The following ZNF239 variants were observed in gnomAD, a reference collection of about 807,000 sequenced individuals.
The protein encoded by ZNF239 is zinc finger protein (C2H2) homologous to mouse MOK-2.
In ZNF239, 16 loss-of-function variants were observed where a neutral mutation model predicts 27.5. The ratio of observed to expected loss-of-function variants is 0.58; its 90% CI spans 0.39 to 0.88. ZNF239 has a LOEUF of 0.88. Ranked by LOEUF, ZNF239 falls within the 40% of genes least tolerant of loss-of-function variation. The pLI, the probability that ZNF239 is intolerant of heterozygous loss-of-function variation, is 0.00. For synonymous variants in ZNF239, 199 were observed against 192.6 expected, an observed-to-expected ratio of 1.03 and a Z score of -0.27; for missense variants, 527 against 551.9, an observed-to-expected ratio of 0.95 and a Z score of 0.45.
At chr10:43,568,141 G>A in intron 2 of ZNF239, 120 bp from the exon 3 acceptor site, 1 of 985,544 alleles carries the variant, frequency 1.0e-6, no homozygotes, top group South Asian at 4.7e-5. Context: ...TTGCAGCTCA[G>A]GGATCTGAGT....
chr10:43,557,189 C>T lies in ZNF239; in HGVS notation c.891G>A (p.Gly297=), dbSNP rs1309871778. Residue 297 remains glycine (G), a synonymous_variant, in exon 4 of 4, where the codon GGG becomes GGA. Coordinates refer to ENST00000374446, the MANE Select transcript of ZNF239 (RefSeq NM_001099282.2). ...GTTTGGAGCTCTGACTAAAGCCCTT[C>T]CCACACTTGTCACATTTATAAGGTT... is the stretch of plus-strand genomic sequence containing the variant. ...GEKPYKCDKC[G]KGFSQSSKLH... 1 of 1,614,104 alleles carries T rather than the reference C, an allele frequency of 6.2e-7. No individual in the cohort carries two copies.
intron 3 of ZNF239, among the ~76,000 whole-genome samples, chr10:43,559,759 A>T (rs1307364790): frequency 1.3e-5 from 2 of 152,228 alleles, no homozygotes. Flanking sequence ...CAAGAAATCC[A>T]TAATACTCTT....
chr10:43,561,033 G>A (rs945606489), intron 3 of ZNF239, among the ~76,000 whole-genome samples: 4 of 152,046 alleles, frequency 2.6e-5, no homozygotes, highest in Non-Finnish European at 5.9e-5. Context: ...TTAGTCAAAC[G>A]CCTGCAATCT....
intron 2 of ZNF239, chr10:43,570,962 A>C (rs1837994225): frequency 1.0e-6 from 1 of 985,334 alleles, no homozygotes. Flanking sequence ...AATCATTGTG[A>C]CAAGGGAAAG....
chr10:43,573,275 T>C (rs1227511576), intron 2 of ZNF239, among the ~76,000 whole-genome samples: 1 of 152,240 alleles, frequency 6.6e-6, no homozygotes, highest in Admixed American at 6.5e-5. Flanking sequence ...CCGTGGTTTA[T>C]CATTCTATCT....
At chr10:43,571,023 A>G (rs1243584870) in intron 2 of ZNF239, 2 of 985,042 alleles carry the variant, frequency 2.0e-6, no homozygotes, top group Non-Finnish European at 2.4e-6. Flanking sequence ...CAAAGGTGGG[A>G]CTGAAACACT....
chr10:43,559,845 G>C (rs933694783), intron 3 of ZNF239, among the ~76,000 whole-genome samples: 1 of 152,144 alleles, frequency 6.6e-6, no homozygotes, highest in African/African-American at 2.4e-5. Context: ...AGATGGATTA[G>C]GAGTGATGGA....
chr10:43,556,490 C>T lies in ZNF239; in HGVS notation c.*213G>A. ...GTAAAGTACAGACACTTTTACTCTA[C>T]CCATCTGAGAAACAAGAACAATCCA... On this transcript the variant is annotated 3_prime_UTR_variant, in exon 4 of 4. Coordinates refer to ENST00000374446, the MANE Select transcript of ZNF239 (RefSeq NM_001099282.2). 3.3e-6 allele frequency: 2 copies of T among 603,418 alleles called. No homozygotes were observed. The highest frequency in any genetic ancestry group is 5.6e-6 in the Non-Finnish European group (2 of 357,326). The allele number at this position is 603,418 out of a possible 1,614,324, so 37.4% of individuals were successfully genotyped here. A position where few individuals can be genotyped will look rare whatever the true frequency, so the allele number is the denominator to read the frequency against.
At chr10:43,571,089 G>C in intron 2 of ZNF239, 2 of 862,098 alleles carry the variant, frequency 2.3e-6, no homozygotes, top group South Asian at 5.3e-5. Flanking sequence ...CTCCAAGGCT[G>C]TGCTCCTGCT....
chr10:43,568,121 T>C (rs535006105), intron 2 of ZNF239, 100 bp from the exon 3 acceptor site: 17 of 985,616 alleles, frequency 1.7e-5, no homozygotes, highest in African/African-American at 7.0e-5. Flanking sequence ...AAGAAAGGTA[T>C]AGAAGAAGTT....
At chr10:43,564,704 T>C (rs1837511854) in intron 3 of ZNF239, among the ~76,000 whole-genome samples, 1 of 152,018 alleles carries the variant, frequency 6.6e-6, no homozygotes, top group Admixed American at 6.6e-5. Flanking sequence ...TAATTTTTTA[T>C]ATTTTTTGTA....
chr10:43,573,766 T>C (rs1380794853), intron 1 of ZNF239, 89 bp from the exon 2 acceptor site: 13 of 459,540 alleles, frequency 2.8e-5, no homozygotes, highest in Non-Finnish European at 3.4e-5. Context: ...CTCCTGCCTC[T>C]GACGCTTCTT....
At chr10:43,570,771 T>G in intron 2 of ZNF239, 2 of 920,020 alleles carry the variant, frequency 2.2e-6, no homozygotes, top group Non-Finnish European at 2.6e-6. Context: ...TACCAATTCT[T>G]TGTAGTACAA....
intron 3 of ZNF239, among the ~76,000 whole-genome samples, chr10:43,564,547 A>T (rs988731986): frequency 1.4e-4 from 21 of 152,098 alleles, no homozygotes; most frequent in African/African-American, 2.4e-4. Context: ...TTTTTAAAAA[A>T]TTTTTTTATT....
At chr10:43,563,738 A>G (rs966487925) in intron 3 of ZNF239, among the ~76,000 whole-genome samples, 3 of 152,144 alleles carry the variant, frequency 2.0e-5, no homozygotes, top group Admixed American at 2.0e-4. Flanking sequence ...AGTCACAGTG[A>G]TACTGGGTCA....
rs1259651904 is a variant in ZNF239, at chr10:43,556,935, T to C, written c.1145A>G (p.Lys382Arg). The C allele has an allele frequency of 6.2e-7, 1 of 1,613,532 alleles. No individual in the cohort carries two copies. Among genetic ancestry groups the C allele is most frequent in the Non-Finnish European group, 8.5e-7 (1 of 1,179,914 alleles). ...EKPYQCYECG[K>R]GFSQSSDLRI... ...AAGATCCGAGCTCTGGCTGAAACCC[T>C]TCCCACACTCATAGCATTGGTAAGG... Residue 382 changes from lysine to arginine, a missense_variant, in exon 4 of 4, where the codon AAG becomes AGG. By Grantham distance (26) the Lys-to-Arg change is conservative (BLOSUM62 2). Coordinates refer to ENST00000374446, the MANE Select transcript of ZNF239 (RefSeq NM_001099282.2).
At chr10:43,565,016 G>A (rs748111053) in intron 3 of ZNF239, among the ~76,000 whole-genome samples, 5 of 152,164 alleles carry the variant, frequency 3.3e-5, no homozygotes, top group Admixed American at 1.3e-4. Context: ...GACATACCAT[G>A]CATTCTCAGG....
chr10:43,574,373 C>T (rs978950466), intron 1 of ZNF239, among the ~76,000 whole-genome samples, 167 bp downstream of exon 1: 5 of 152,198 alleles, frequency 3.3e-5, no homozygotes, highest in Non-Finnish European at 7.4e-5. Flanking sequence ...AATGCGGCGC[C>T]GGGACACACG....
Position 43,556,727 on chromosome 10 carries a change from C to A in ZNF239, c.1353G>T (p.Arg451=), listed in dbSNP as rs1836762163. Residue 451 remains arginine (R), a synonymous_variant, in exon 4 of 4, where the codon CGG becomes CGT. Transcript: ENST00000374446. The part of the protein sequence containing the change: ...SQSSNLHIHQ[R]VHKKDPR ...GTTAGCGAGGATCTTTCTTGTGAAC[C>A]CGCTGGTGGATGTGAAGGTTGGAGC... 6.2e-7 allele frequency: 1 copy of A among 1,613,624 alleles called. No homozygotes were observed. The highest frequency in any genetic ancestry group is 2.2e-5 in the East Asian group (1 of 44,866).
Sources: gnomAD v4.1 joint callset for allele counts (sites outside exome capture counted in the v4.1 genomes callset) on GRCh38, gnomAD v4.1.1 for gene constraint, MANE v1.5 for transcripts, NCBI Gene and HGNC (gene_info 2026-07-23, HGNC 2026-07-21) for gene names.